SEC23A: variants seen among roughly 807,000 people sequenced by gnomAD.
SEC23A encodes the protein protein transport protein Sec23A.
In SEC23A, 56 loss-of-function variants were observed where a neutral mutation model predicts 103.7. That is an observed-to-expected ratio of 0.54 (90% CI 0.44 to 0.67). SEC23A has a LOEUF of 0.67. Ranked by LOEUF, SEC23A falls within the 30% of genes least tolerant of loss-of-function variation. The pLI, the probability that SEC23A is intolerant of heterozygous loss-of-function variation, is 0.00. For missense variants in SEC23A, 784 were observed against 936.4 expected (o/e 0.84, Z 2.12); for synonymous variants, 281 against 293.0 (o/e 0.96, Z 0.42).
chr14:39,097,628 T>A (rs995916588), intron 1 of SEC23A, among the ~76,000 whole-genome samples: 2 of 152,226 alleles, frequency 1.3e-5, no homozygotes, highest in African/African-American at 4.8e-5. Context: ...AACTTTCTCT[T>A]CTTTAAATAA....
chr14:39,075,871 T>C (rs1365707060), intron 8 of SEC23A, 64 bp downstream of exon 8: 1 of 1,389,722 alleles, frequency 7.2e-7, no homozygotes, highest in African/African-American at 1.4e-5. Context: ...TTTGTATTCT[T>C]CTTCTGCCAG....
chr14:39,076,742 A>G (rs1246268812), intron 7 of SEC23A, among the ~76,000 whole-genome samples: 2 of 151,668 alleles, frequency 1.3e-5, no homozygotes, highest in Non-Finnish European at 2.9e-5. Flanking sequence ...CCTGGTCAAC[A>G]TGGTGAAATC....
chr14:39,034,193 T>G (rs1885391117), intron 19 of SEC23A, among the ~76,000 whole-genome samples: 1 of 152,202 alleles, frequency 6.6e-6, no homozygotes, highest in African/African-American at 2.4e-5. Context: ...ATTAAGGGCA[T>G]AGAGTCTGGA....
intron 2 of SEC23A, among the ~76,000 whole-genome samples, chr14:39,094,393 CACACATATATATATATATAT>C (rs753890625): frequency 0.081 from 1,944 of 23,882 alleles, 332 homozygotes; most frequent in Non-Finnish European, 0.11. Context: ...CACACACACA[CACACATATATATATATATAT>C]ATATATATAT....
chr14:39,076,992 T>TGAG (rs887375589), intron 7 of SEC23A, among the ~76,000 whole-genome samples: 1 of 150,408 alleles, frequency 6.6e-6, no homozygotes, highest in African/African-American at 2.5e-5. Context: ...TTTGGGAGGC[T>TGAG]GAGGTGGGTG....
intron 16 of SEC23A, among the ~76,000 whole-genome samples, chr14:39,043,711 C>T (rs1278856199): frequency 1.3e-5 from 2 of 152,196 alleles, no homozygotes; most frequent in Admixed American, 6.5e-5. Flanking sequence ...TGAGAAAGAA[C>T]GGTGAGTGAG....
intron 2 of SEC23A, among the ~76,000 whole-genome samples, chr14:39,093,761 A>C (rs1374429304): frequency 6.6e-6 from 1 of 152,164 alleles, no homozygotes; most frequent in Non-Finnish European, 1.5e-5. Context: ...ACCATCTCAA[A>C]AATATATATA....
At chr14:39,084,418 G>A (rs1887354092) in intron 7 of SEC23A, among the ~76,000 whole-genome samples, 1 of 152,054 alleles carries the variant, frequency 6.6e-6, no homozygotes, top group Non-Finnish European at 1.5e-5. Flanking sequence ...TAACATCTGG[G>A]TGAACTTCTT....
At chr14:39,044,566 T>C (rs953691556) in intron 16 of SEC23A, among the ~76,000 whole-genome samples, 1 of 152,170 alleles carries the variant, frequency 6.6e-6, no homozygotes, top group Non-Finnish European at 1.5e-5. Flanking sequence ...CTACACACTT[T>C]TAAGTAGTAA....
chr14:39,071,274 C>T (rs1288425934), intron 9 of SEC23A, among the ~76,000 whole-genome samples: 3 of 149,116 alleles, frequency 2.0e-5, no homozygotes, highest in Non-Finnish European at 4.5e-5. Flanking sequence ...ACAAGTTCCA[C>T]AAGGTTGCAG....
intron 14 of SEC23A, among the ~76,000 whole-genome samples, chr14:39,053,416 T>C (rs1886135579): frequency 6.6e-6 from 1 of 152,124 alleles, no homozygotes; most frequent in African/African-American, 2.4e-5. Flanking sequence ...ATGTTATATC[T>C]ATCTGGAAAC....
chr14:39,099,453 C>G (rs1240307940), intron 1 of SEC23A, among the ~76,000 whole-genome samples: 1 of 152,066 alleles, frequency 6.6e-6, no homozygotes, highest in Admixed American at 6.6e-5. Context: ...GCACCGCTCC[C>G]CGCCATTAAA....
rs900437666 is a variant in SEC23A, at chr14:39,077,574, T to TAG, written c.829-1483_829-1482dup. On this transcript the variant is annotated intron_variant, in intron 7 of 19. Transcript: ENST00000307712. ...AAAGAAAGAGAAAGAGAGACAAAGA[T>TAG]AGAGAGAGAGAGAGAGAAAAAAAAG... 8.9e-3 allele frequency among the ~76,000 whole-genome samples: 1,307 copies of TAG among 147,240 alleles called. 21 individuals are homozygous for TAG. Among genetic ancestry groups the TAG allele is most frequent in the African/African-American group, 0.03 (1,212 of 40,150 alleles).
chr14:39,092,531 A>T lies in SEC23A; in HGVS notation c.366+10T>A, dbSNP rs1296320684. On this transcript the variant is annotated intron_variant, in intron 4 of 19. Coordinates refer to ENST00000307712, the MANE Select transcript of SEC23A (RefSeq NM_006364.4). ...AAAACTTTCTTAAATATTTGTTCTT[A>T]GGTTCTTACCAGAACTACATATTCA... The T allele has an allele frequency of 6.6e-7, 1 of 1,517,232 alleles. No individual in the cohort carries two copies. The highest frequency in any genetic ancestry group is 1.7e-5 in the Admixed American group (1 of 58,694). The allele number at this position is 1,517,232 out of a possible 1,614,324, so 94.0% of individuals were successfully genotyped here. A position where few individuals can be genotyped will look rare whatever the true frequency, so the allele number is the denominator to read the frequency against.
At chr14:39,058,509 T>G (rs1490184285) in intron 13 of SEC23A, among the ~76,000 whole-genome samples, 2 of 152,010 alleles carry the variant, frequency 1.3e-5, no homozygotes, top group Non-Finnish European at 2.9e-5. Context: ...GGGTTTCACC[T>G]TGTTAGCCAG....
chr14:39,038,737 G>A (rs1207326804), intron 19 of SEC23A, among the ~76,000 whole-genome samples: 3 of 152,118 alleles, frequency 2.0e-5, no homozygotes, highest in Admixed American at 6.6e-5. Context: ...TTGGCTTATC[G>A]TGGCCTTTTG....
chr14:39,101,991 G>A (rs1221562582), intron 1 of SEC23A, among the ~76,000 whole-genome samples: 1 of 152,156 alleles, frequency 6.6e-6, no homozygotes, highest in East Asian at 1.9e-4. Context: ...CAGCACTTTG[G>A]GAGGCCGAGG....
At position 39,064,937 on chromosome 14, in the gene SEC23A, A is replaced by G; in HGVS notation, c.1284T>C (p.Ser428=). 2 of 1,612,838 alleles carry G rather than the reference A, an allele frequency of 1.2e-6. No individual in the cohort carries two copies. The highest frequency in any genetic ancestry group is 8.5e-7 in the Non-Finnish European group (1 of 1,178,852). The change falls in exon 11 of 20, where the codon TCT becomes TCC. Residue 428 remains serine (S), a synonymous_variant. Coordinates refer to ENST00000307712, the MANE Select transcript of SEC23A (RefSeq NM_006364.4). ...GAIGPCVSLN[S]KGPCVSENEI... is the part of the protein sequence containing the mutation. The stretch of plus-strand genomic sequence containing the variant: ...CATTTTCAGACACACAGGGTCCTTT[A>G]GAATTGAGTGACACACAGGGTCCAA...
intron 11 of SEC23A, among the ~76,000 whole-genome samples, chr14:39,064,209 A>C (rs779142015): frequency 2.0e-5 from 3 of 152,066 alleles, no homozygotes; most frequent in African/African-American, 4.8e-5. Flanking sequence ...TTACCACGCA[A>C]ACTGCTTGTA....
Sources: gnomAD v4.1 joint callset for allele counts (sites outside exome capture counted in the v4.1 genomes callset) on GRCh38, gnomAD v4.1.1 for gene constraint, MANE v1.5 for transcripts, NCBI Gene and HGNC (gene_info 2026-07-23, HGNC 2026-07-21) for gene names.